The following NXPE1 variants were observed in gnomAD, a reference collection of about 807,000 sequenced individuals.
NXPE1 encodes the protein NXPE family member 1.
Under a neutral mutation model 33.3 loss-of-function variants are expected in NXPE1, and 31 were observed. That is an observed-to-expected ratio of 0.93 (90% CI 0.70 to 1.26). The LOEUF (loss-of-function observed/expected upper bound fraction) is 1.26. NXPE1 is among the 50% of genes most tolerant of loss of function. NXPE1 has a pLI of 0.00. For synonymous variants in NXPE1, 229 were observed against 231.4 expected (o/e 0.99, Z 0.09); for missense variants, 661 against 655.6 (o/e 1.01, Z -0.09).
chr11:114,537,276 T>G (rs1446971043), intron 5 of NXPE1, among the ~76,000 whole-genome samples: 1 of 152,178 alleles, frequency 6.6e-6, no homozygotes, highest in Non-Finnish European at 1.5e-5. Flanking sequence ...TGATGGGACA[T>G]ATCTCAAAAT....
At chr11:114,535,546 T>G (rs1294556212) in intron 5 of NXPE1, among the ~76,000 whole-genome samples, 2 of 152,084 alleles carry the variant, frequency 1.3e-5, no homozygotes, top group Admixed American at 6.5e-5. Flanking sequence ...CCATCTCACA[T>G]GCAGAGACAT....
intron 5 of NXPE1, among the ~76,000 whole-genome samples, chr11:114,536,531 C>A (rs1399874128): frequency 6.6e-6 from 1 of 152,018 alleles, no homozygotes; most frequent in Non-Finnish European, 1.5e-5. Flanking sequence ...TGATAGACCG[C>A]TAGCAAGACT....
At chr11:114,548,796 T>C (rs1481589619) in intron 5 of NXPE1, among the ~76,000 whole-genome samples, 3 of 151,310 alleles carry the variant, frequency 2.0e-5, no homozygotes, top group Admixed American at 6.6e-5. Flanking sequence ...TAGGAATTGA[T>C]AGGAAGGTAA....
intron 1 of NXPE1, among the ~76,000 whole-genome samples, chr11:114,557,968 C>T (rs902993694): frequency 6.6e-6 from 1 of 151,682 alleles, no homozygotes; most frequent in Non-Finnish European, 1.5e-5. Context: ...ACCTCATTTT[C>T]CTTCTATTTC....
At chr11:114,534,054 C>A (rs1204692380) in intron 5 of NXPE1, among the ~76,000 whole-genome samples, 1 of 152,208 alleles carries the variant, frequency 6.6e-6, no homozygotes, top group African/African-American at 2.4e-5. Flanking sequence ...CAGACTGACA[C>A]CTCACACTGC....
intron 1 of NXPE1, among the ~76,000 whole-genome samples, chr11:114,559,126 C>T (rs1948720186): frequency 6.6e-6 from 1 of 152,096 alleles, no homozygotes; most frequent in Non-Finnish European, 1.5e-5. Context: ...ACATACAAAG[C>T]ACAATACATG....
chr11:114,546,540 G>A (rs1317594704), intron 5 of NXPE1, among the ~76,000 whole-genome samples: 3 of 150,124 alleles, frequency 2.0e-5, no homozygotes, highest in Non-Finnish European at 3.0e-5. Context: ...GGCCTCAAAC[G>A]ATCCTCCCAT....
intron 5 of NXPE1, among the ~76,000 whole-genome samples, chr11:114,540,250 C>T (rs763041646): frequency 8.5e-5 from 13 of 152,124 alleles, no homozygotes; most frequent in Non-Finnish European, 1.2e-4. Context: ...GCCACCATGC[C>T]CGGCCAATAA....
rs1565294817 is a variant in NXPE1 at position 114,522,518 on chromosome 11, A to AATGTTTTTTTAT, written c.1109-16_1109-15insATAAAAAAACAT. On this transcript the variant is annotated splice_polypyrimidine_tract_variant and intron_variant, in intron 8 of 8. Transcript: ENST00000534921. ...AAACTTCAGTGCTGATAAAAAAACAAATAGATGTTTTAAATAGAAGATAAT... is the reference window on the plus strand; with the variant it reads ...AAACTTCAGTGCTGATAAAAAAACAAATGTTTTTTTATATAGATGTTTTAAATAGAAGATAAT... The AATGTTTTTTTAT allele has an allele frequency of 6.4e-7, 1 of 1,551,948 alleles. No homozygotes were observed. The highest frequency in any genetic ancestry group is 1.4e-5 in the African/African-American group (1 of 72,590).
chr11:114,551,743 T>G (rs1158481482), intron 3 of NXPE1, among the ~76,000 whole-genome samples: 1 of 151,996 alleles, frequency 6.6e-6, no homozygotes, highest in African/African-American at 2.4e-5. Context: ...AGGAATGAAT[T>G]ACTCTGCATA....
At chr11:114,519,028 A>G (rs770733655), downstream of NXPE1, among the ~76,000 whole-genome samples, 34 of 152,178 alleles carry the variant, frequency 2.2e-4, no homozygotes, top group Non-Finnish European at 1.0e-4. Flanking sequence ...TCCTTTTCTT[A>G]TAAGACCACA....
intron 6 of NXPE1, 101 bp downstream of exon 6, chr11:114,530,074 G>A (rs191719269): frequency 6.0e-5 from 73 of 1,225,242 alleles, no homozygotes; most frequent in Non-Finnish European, 3.4e-6. Flanking sequence ...CTTGAGTACA[G>A]GAGGCCTCTG....
At chr11:114,531,927 A>C (rs1947600856) in intron 5 of NXPE1, among the ~76,000 whole-genome samples, 1 of 152,172 alleles carries the variant, frequency 6.6e-6, no homozygotes, top group African/African-American at 2.4e-5. Context: ...GCTTTTTTAA[A>C]AATATGCACT....
At chr11:114,551,524 G>T in intron 3 of NXPE1, 83 bp from the exon 4 acceptor site, 2 of 566,456 alleles carry the variant, frequency 3.5e-6, no homozygotes, top group Non-Finnish European at 4.6e-6. Context: ...CAATTACAAT[G>T]AGAAGCAGAA....
chr11:114,524,137 G>C (rs1486461940), intron 7 of NXPE1, among the ~76,000 whole-genome samples: 1 of 152,168 alleles, frequency 6.6e-6, no homozygotes, highest in Non-Finnish European at 1.5e-5. Context: ...CTAGTAGTAA[G>C]GGAAGAAATG....
intron 5 of NXPE1, among the ~76,000 whole-genome samples, chr11:114,532,930 TGCA>T (rs1296155637): frequency 6.6e-6 from 1 of 152,166 alleles, no homozygotes; most frequent in Non-Finnish European, 1.5e-5. Flanking sequence ...CTGATTGGAT[TGCA>T]GCTGCAATAA....
chr11:114,546,559 C>A (rs1240413202), intron 5 of NXPE1, among the ~76,000 whole-genome samples: 3 of 151,796 alleles, frequency 2.0e-5, no homozygotes, highest in Middle Eastern at 3.2e-3. Flanking sequence ...ATCTCACCCT[C>A]CCAAAGTGCT....
chr11:114,547,160 T>C (rs376699927), intron 5 of NXPE1, among the ~76,000 whole-genome samples: 3 of 152,260 alleles, frequency 2.0e-5, no homozygotes, highest in South Asian at 2.1e-4. Context: ...AAGAGTAATC[T>C]TACTGTGGAG....
Position 114,530,920 on chromosome 11 carries a change from A to G in NXPE1, c.100-12T>C, listed in dbSNP as rs2134965655. 1 of 1,592,692 alleles carries G rather than the reference A, an allele frequency of 6.3e-7. No individual in the cohort carries two copies. The highest frequency in any genetic ancestry group is 8.5e-7 in the Non-Finnish European group (1 of 1,172,188). ...AGAGCAGACCAAAGCTGAAATGACA[A>G]GGATTGTGATATACTATGAAATTAA... On this transcript the variant is annotated splice_polypyrimidine_tract_variant and intron_variant, in intron 5 of 8. Coordinates refer to ENST00000534921, the Ensembl canonical transcript of NXPE1.
Sources: gnomAD v4.1 joint callset for allele counts (sites outside exome capture counted in the v4.1 genomes callset) on GRCh38, gnomAD v4.1.1 for gene constraint, MANE v1.5 for transcripts, NCBI Gene and HGNC (gene_info 2026-07-23, HGNC 2026-07-21) for gene names.